The following ASIC2 variants were observed in gnomAD, a reference collection of about 807,000 sequenced individuals.
ASIC2 encodes the protein acid sensing ion channel subunit 2, also known as acid-sensing ion channel 2.
ASIC2 carries 25 observed loss-of-function variants against 57.3 expected under a neutral mutation model. The ratio of observed to expected loss-of-function variants is 0.44; its 90% CI spans 0.32 to 0.61. The LOEUF is 0.61. Among genes scored for constraint, ASIC2 ranks in the 20% least tolerant of loss-of-function variants. The pLI is 0.06. For synonymous variants in ASIC2, 319 were observed against 307.5 expected (o/e 1.04, Z -0.39); for missense variants, 641 against 738.1 (o/e 0.87, Z 1.52).
chr17:33,619,856 A>G (rs1410650765), intron 1 of ASIC2, among the ~76,000 whole-genome samples: 2 of 152,170 alleles, frequency 1.3e-5, no homozygotes, highest in Non-Finnish European at 2.9e-5. Context: ...AAAAAAATCT[A>G]CATTTAATCT....
chr17:33,917,823 A>G (rs888646301), intron 1 of ASIC2, among the ~76,000 whole-genome samples: 12 of 152,172 alleles, frequency 7.9e-5, no homozygotes, highest in Admixed American at 7.9e-4. Flanking sequence ...CTTATGATCC[A>G]GTAGTTTAGC....
At chr17:33,055,951 G>A (rs889134833) in intron 3 of ASIC2, among the ~76,000 whole-genome samples, 1 of 152,216 alleles carries the variant, frequency 6.6e-6, no homozygotes, top group Non-Finnish European at 1.5e-5. Context: ...AGAAGCCCTG[G>A]ACTCAGCCCT....
intron 1 of ASIC2, among the ~76,000 whole-genome samples, chr17:33,443,033 G>A (rs1260389842): frequency 6.6e-6 from 1 of 152,116 alleles, no homozygotes; most frequent in Non-Finnish European, 1.5e-5. Context: ...TATTGTGATT[G>A]TATGGTTTTT....
At chr17:33,464,548 T>TTCTTTCTTTCTTTTCTC (rs1912784543) in intron 1 of ASIC2, among the ~76,000 whole-genome samples, 1 of 118,124 alleles carries the variant, frequency 8.5e-6, no homozygotes, top group Non-Finnish European at 1.8e-5. Context: ...TTCTCTTTCT[T>TTCTTTCTTTCTTTTCTC]TCTTTCTTTC....
chr17:33,635,383 G>A (rs1038893170), intron 1 of ASIC2, among the ~76,000 whole-genome samples: 1 of 152,156 alleles, frequency 6.6e-6, no homozygotes, highest in African/African-American at 2.4e-5. Context: ...CAAATTACTC[G>A]ACTATTATCT....
chr17:33,621,934 G>T (rs1177604936), intron 1 of ASIC2, among the ~76,000 whole-genome samples: 2 of 152,056 alleles, frequency 1.3e-5, no homozygotes, highest in Non-Finnish European at 2.9e-5. Context: ...TGCGGTTATT[G>T]TGACTAGTAA....
chr17:33,923,532 A>G (rs1257379148), intron 1 of ASIC2, among the ~76,000 whole-genome samples: 1 of 152,238 alleles, frequency 6.6e-6, no homozygotes, highest in Non-Finnish European at 1.5e-5. Context: ...CTCAGAATGC[A>G]CAGCAGTTCT....
chr17:33,381,622 C>T (rs1366157403), intron 1 of ASIC2, among the ~76,000 whole-genome samples: 1 of 152,142 alleles, frequency 6.6e-6, no homozygotes, highest in Non-Finnish European at 1.5e-5. Flanking sequence ...ATGATAACAC[C>T]CACTTGGGAA....
intron 1 of ASIC2, among the ~76,000 whole-genome samples, chr17:33,471,413 C>CT (rs1237079566): frequency 2.6e-5 from 4 of 152,112 alleles, no homozygotes; most frequent in African/African-American, 9.7e-5. Flanking sequence ...TTCTTTTCTT[C>CT]TTTTTTTGAG....
intron 7 of ASIC2, 42 bp downstream of exon 7, chr17:33,021,177 C>G: frequency 2.0e-6 from 2 of 1,017,024 alleles, no homozygotes; most frequent in Non-Finnish European, 3.1e-6. Context: ...CCCTCCCACC[C>G]TCTATGAGAT....
chr17:33,646,671 T>A (rs2142036751), intron 1 of ASIC2, among the ~76,000 whole-genome samples: 1 of 152,322 alleles, frequency 6.6e-6, no homozygotes, highest in East Asian at 1.9e-4. Context: ...CTACTTCAGT[T>A]CTACTGAAAA....
At chr17:34,072,492 G>A (rs1338567866) in intron 1 of ASIC2, among the ~76,000 whole-genome samples, 1 of 152,152 alleles carries the variant, frequency 6.6e-6, no homozygotes, top group African/African-American at 2.4e-5. Context: ...AGCTGCTAGT[G>A]CTTTAAAAAC....
chr17:34,029,470 A>G (rs904993548), intron 1 of ASIC2, among the ~76,000 whole-genome samples: 2 of 152,066 alleles, frequency 1.3e-5, no homozygotes, highest in Non-Finnish European at 2.9e-5. Context: ...ACATATTTGC[A>G]TGAATAATCT....
intron 1 of ASIC2, among the ~76,000 whole-genome samples, chr17:33,649,883 G>A (rs184534915): frequency 7.9e-5 from 12 of 152,274 alleles, no homozygotes; most frequent in African/African-American, 2.6e-4. Flanking sequence ...GTGGATCAGA[G>A]ACTTTTGTAT....
chr17:33,829,485 T>C (rs1184663246), intron 1 of ASIC2, among the ~76,000 whole-genome samples: 1 of 152,018 alleles, frequency 6.6e-6, no homozygotes, highest in African/African-American at 2.4e-5. Context: ...GCTGTGCAGA[T>C]GACAGAAAGC....
At chr17:33,369,799 CTGT>C (rs1041897157) in intron 1 of ASIC2, among the ~76,000 whole-genome samples, 11 of 152,176 alleles carry the variant, frequency 7.2e-5, no homozygotes, top group Non-Finnish European at 1.5e-4. Flanking sequence ...ACTATTAGTG[CTGT>C]TGTTGTTATT....
intron 1 of ASIC2, among the ~76,000 whole-genome samples, chr17:33,655,726 A>G (rs549476843): frequency 6.6e-6 from 1 of 152,140 alleles, no homozygotes; most frequent in African/African-American, 2.4e-5. Flanking sequence ...GGTTGATTCT[A>G]TTTTTCTATT....
intron 1 of ASIC2, among the ~76,000 whole-genome samples, chr17:33,254,714 A>G (rs1182053085): frequency 6.6e-6 from 1 of 152,170 alleles, no homozygotes; most frequent in Non-Finnish European, 1.5e-5. Flanking sequence ...TTTTAAAATT[A>G]CCTTCAAACT....
At chr17:33,696,473 G>C (rs533892428) in intron 1 of ASIC2, among the ~76,000 whole-genome samples, 1 of 152,226 alleles carries the variant, frequency 6.6e-6, no homozygotes, top group South Asian at 2.1e-4. Context: ...ATATATGAGG[G>C]GAAAGCACTA....
Sources: allele counts gnomAD v4.1 joint callset (sites outside exome capture counted in the v4.1 genomes callset), GRCh38; gene constraint gnomAD v4.1.1; transcripts MANE v1.5; gene names NCBI Gene and HGNC (gene_info 2026-07-23, HGNC 2026-07-21).